Variants in TTL observed in about 807,000 individuals in gnomAD.
The protein encoded by TTL is tubulin tyrosine ligase, also known as tubulin--tyrosine ligase.
Under a neutral mutation model 41.1 loss-of-function variants are expected in TTL, and 10 were observed. The ratio of observed to expected loss-of-function variants is 0.24; its 90% CI spans 0.15 to 0.41. The LOEUF (loss-of-function observed/expected upper bound fraction) is 0.41. TTL is among the 10% of genes least tolerant of loss of function. The probability of loss-of-function intolerance (pLI) is 1.00; values close to 1 mark genes in which losing one functional copy is unlikely to be tolerated. For synonymous variants in TTL, 175 were observed against 175.5 expected, an observed-to-expected ratio of 1.00 and a Z score of 0.02; for missense variants, 367 against 460.4, an observed-to-expected ratio of 0.80 and a Z score of 1.86.
chr2:112,503,639 G>C (rs1337303361), intron 5 of TTL, among the ~76,000 whole-genome samples: 1 of 143,086 alleles, frequency 7.0e-6, no homozygotes. Context: ...CTCCATGTTG[G>C]TCAGTCTGGT....
intron 6 of TTL, among the ~76,000 whole-genome samples, chr2:112,524,053 T>C (rs1193789363): frequency 6.6e-6 from 1 of 152,196 alleles, no homozygotes; most frequent in African/African-American, 2.4e-5. Context: ...TGTTTTGTTT[T>C]CTATCCCTGT....
At chr2:112,486,560 A>G (rs1178058484) in intron 2 of TTL, among the ~76,000 whole-genome samples, 2 of 152,218 alleles carry the variant, frequency 1.3e-5, no homozygotes, top group African/African-American at 4.8e-5. Context: ...CAGAAAGGAT[A>G]TCTGGGCAGG....
intron 5 of TTL, among the ~76,000 whole-genome samples, chr2:112,515,815 T>A (rs1040045893): frequency 2.6e-5 from 4 of 152,080 alleles, no homozygotes; most frequent in African/African-American, 7.2e-5. Context: ...GGCGTGGTGG[T>A]GGGCACCTGT....
chr2:112,486,056 T>G (rs1681231320), intron 2 of TTL, 61 bp downstream of exon 2: 1 of 1,520,302 alleles, frequency 6.6e-7, no homozygotes, highest in East Asian at 2.3e-5. Flanking sequence ...GGCAAAAATG[T>G]GGGGTTGTTT....
rs766867123 is a variant in TTL at position 112,531,279 on chromosome 2, C to T, written c.*2484C>T. 68 of 227,098 alleles carry T rather than the reference C, an allele frequency of 3.0e-4. 1 individual carries two copies. The highest frequency in any genetic ancestry group is 1.2e-3 in the African/African-American group (56 of 45,068). 14.1% of individuals were successfully genotyped at this position (227,098 alleles called of 1,614,324 possible). A position where few individuals can be genotyped will look rare whatever the true frequency, so the allele number is the denominator to read the frequency against. ...ACTTTTGGTCCATGTAAGTGCTACC[C>T]GTTGCTGGGGGAGGAGTCATGGTTT... On this transcript the variant is annotated 3_prime_UTR_variant, in exon 7 of 7. Transcript: ENST00000233336.
chr2:112,496,960 A>G (rs963259609), intron 3 of TTL, among the ~76,000 whole-genome samples: 1 of 152,006 alleles, frequency 6.6e-6, no homozygotes, highest in Middle Eastern at 3.2e-3. Context: ...AGCTGGGACT[A>G]CAGGTACCAG....
In TTL at chr2:112,532,605, G is replaced by A. The variant is rs986191278; in HGVS notation, c.*3810G>A. 8.4e-5 allele frequency: 16 copies of A among 190,212 alleles called. No homozygotes were observed. The highest frequency in any genetic ancestry group is 3.5e-4 in the African/African-American group (15 of 42,898). 11.8% of individuals were successfully genotyped at this position (190,212 alleles called of 1,614,324 possible). On this transcript the variant is annotated 3_prime_UTR_variant, in exon 7 of 7. Transcript: ENST00000233336. ...TACTCTAGCTTGAGCAACAGAGCAA[G>A]ACCCTGTCTCAAAAGTAAATAAATA...
chr2:112,510,660 G>A lies in TTL; in HGVS notation c.875+7479G>A, dbSNP rs563189409. Among the ~76,000 whole-genome samples, 168 of 152,094 alleles carry A rather than the reference G, an allele frequency of 1.1e-3. 2 individuals are homozygous for A. Among genetic ancestry groups the A allele is most frequent in the Middle Eastern group, 0.01 (3 of 292 alleles). ...CTAATTTTGTATTTTTAGGAGACAC[G>A]GGGTTTCTCCATGTTGGTCAGGATG... On this transcript the variant is annotated intron_variant, in intron 5 of 6. Coordinates refer to ENST00000233336, the MANE Select transcript of TTL (RefSeq NM_153712.5).
chr2:112,491,524 TG>T (rs1400983129), intron 2 of TTL, among the ~76,000 whole-genome samples: 9 of 152,364 alleles, frequency 5.9e-5, no homozygotes, highest in African/African-American at 1.9e-4. Context: ...GTTCATTTTT[TG>T]TAAATTATAT....
rs1232011932 is a variant in TTL at position 112,529,158 on chromosome 2, C to A, written c.*363C>A. 1 of 385,278 alleles carries A rather than the reference C, an allele frequency of 2.6e-6. No homozygotes were observed. The highest frequency in any genetic ancestry group is 2.0e-5 in the African/African-American group (1 of 50,286). The allele number at this position is 385,278 out of a possible 1,614,324, so 23.9% of individuals were successfully genotyped here. On this transcript the variant is annotated 3_prime_UTR_variant, in exon 7 of 7. Coordinates refer to ENST00000233336, the MANE Select transcript of TTL (RefSeq NM_153712.5). ...GCCTTAGCTCCATGCCCGGCTGCAG[C>A]CCCACTGCTCTGGACTATGGATTGG...
intron 5 of TTL, among the ~76,000 whole-genome samples, chr2:112,510,896 G>A (rs1448676534): frequency 6.6e-6 from 1 of 152,136 alleles, no homozygotes; most frequent in Non-Finnish European, 1.5e-5. Flanking sequence ...GTCAGGAAGA[G>A]ACTTTGTCTG....
In TTL at chr2:112,529,039, G is replaced by C. The variant is rs541871079; in HGVS notation, c.*244G>C. 5 of 546,352 alleles carry C rather than the reference G, an allele frequency of 9.2e-6. No individual in the cohort carries two copies. The highest frequency in any genetic ancestry group is 1.6e-5 in the Non-Finnish European group (5 of 303,792). The allele number at this position is 546,352 out of a possible 1,614,324, so 33.8% of individuals were successfully genotyped here. On this transcript the variant is annotated 3_prime_UTR_variant, in exon 7 of 7. Coordinates refer to ENST00000233336, the MANE Select transcript of TTL (RefSeq NM_153712.5). ...TTTGAAAACAACTTTGGTACACAAA[G>C]GCAGCTTTGTGAGCAGAGCTCCTTC... is the stretch of plus-strand genomic sequence containing the variant.
At position 112,503,454 on chromosome 2, in the gene TTL, A is replaced by G. The variant is rs896273673; in HGVS notation, c.875+273A>G. Among the ~76,000 whole-genome samples the G allele has an allele frequency of 2.1e-5, 3 of 145,888 alleles. No homozygotes were observed. The East Asian group carries it at 6.0e-4, about 29-fold the overall frequency. ...TTATTTATTTATTTATTTTTTTGAGACAGAGTTTTGCTCTTGTTGCCCAGG... is the reference window on the plus strand; with the variant it reads ...TTATTTATTTATTTATTTTTTTGAGGCAGAGTTTTGCTCTTGTTGCCCAGG... On this transcript the variant is annotated intron_variant, in intron 5 of 6. Transcript: ENST00000233336.
At chr2:112,498,318 C>T (rs754163050) in intron 3 of TTL, among the ~76,000 whole-genome samples, 28 of 151,794 alleles carry the variant, frequency 1.8e-4, no homozygotes, top group African/African-American at 3.4e-4. Flanking sequence ...GCAAAAATTC[C>T]GTCTAAAAAA....
rs1682627092 is a variant in TTL, at chr2:112,537,833, C to G, written c.*9038C>G. 1 of 152,138 alleles carries G rather than the reference C, an allele frequency of 6.6e-6. No homozygotes were observed. Among genetic ancestry groups the G allele is most frequent in the Non-Finnish European group, 1.5e-5 (1 of 68,026 alleles). 9.4% of individuals were successfully genotyped at this position (152,138 alleles called of 1,614,324 possible). A position where few individuals can be genotyped will look rare whatever the true frequency, so the allele number is the denominator to read the frequency against. On this transcript the variant is annotated 3_prime_UTR_variant, in exon 7 of 7. Transcript: ENST00000233336. ...TAGCTAGAGCAACTAGGCAGAAGAT[C>G]AACAAGAAAATAGAAAACACTATAA...
rs182291960 is a variant in TTL, at chr2:112,515,510, T to C, written c.876-4772T>C. ...TACAGTTTACTAAGTCTAGTAAAGA[T>C]TTTTTAAATGAGGTGTAACATCCAC... is the stretch of plus-strand genomic sequence containing the variant. On this transcript the variant is annotated intron_variant, in intron 5 of 6. Coordinates refer to ENST00000233336, the MANE Select transcript of TTL (RefSeq NM_153712.5). Among the ~76,000 whole-genome samples the C allele has an allele frequency of 1.6e-3, 250 of 152,328 alleles. 5 individuals carry two copies. Among genetic ancestry groups the C allele is most frequent in the Admixed American group, 9.6e-3 (147 of 15,300 alleles).
chr2:112,503,403 G>GTATATATATATA (rs61614473), intron 5 of TTL, among the ~76,000 whole-genome samples: 8 of 143,442 alleles, frequency 5.6e-5, no homozygotes, highest in East Asian at 2.0e-4. Flanking sequence ...GTGTGTGTGT[G>GTATATATATATA]TATATATATA....
chr2:112,511,353 G>A (rs1681915081), intron 5 of TTL, among the ~76,000 whole-genome samples: 1 of 151,716 alleles, frequency 6.6e-6, no homozygotes, highest in Non-Finnish European at 1.5e-5. Context: ...TAGCCAAAAG[G>A]CCGAGAAGCG....
chr2:112,533,817 A>C lies in TTL; in HGVS notation c.*5022A>C, dbSNP rs1682552939. 1 of 152,258 alleles carries C rather than the reference A, an allele frequency of 6.6e-6. No individual in the cohort carries two copies. The highest frequency in any genetic ancestry group is 1.5e-5 in the Non-Finnish European group (1 of 68,052). 9.4% of individuals were successfully genotyped at this position (152,258 alleles called of 1,614,324 possible). ...CCAACACATTTACTTTGGGGAACAC[A>C]TTCAAACCATAGCAGTCCCTGAAGG... On this transcript the variant is annotated 3_prime_UTR_variant, in exon 7 of 7. Coordinates refer to ENST00000233336, the MANE Select transcript of TTL (RefSeq NM_153712.5).
Sources: allele counts gnomAD v4.1 joint callset (sites outside exome capture counted in the v4.1 genomes callset), GRCh38; gene constraint gnomAD v4.1.1; transcripts MANE v1.5; gene names NCBI Gene and HGNC (gene_info 2026-07-23, HGNC 2026-07-21).